The following SNTG1 variants were observed in gnomAD, a reference collection of about 807,000 sequenced individuals.
SNTG1 encodes syntrophin gamma 1, also known as gamma-1-syntrophin.
A neutral mutation model predicts 74.7 loss-of-function variants in SNTG1; 39 were observed. The observed-to-expected ratio is 0.52, with a 90% CI of 0.40 to 0.68. SNTG1 has a LOEUF of 0.68. Ranked by LOEUF, SNTG1 falls within the 30% of genes least tolerant of loss-of-function variation. The pLI is 0.00. For synonymous variants in SNTG1, 254 were observed against 217.1 expected (o/e 1.17, Z -1.49); for missense variants, 685 against 609.5 (o/e 1.12, Z -1.30).
At chr8:50,109,994 G>C (rs971795026) in intron 1 of SNTG1, among the ~76,000 whole-genome samples, 1 of 152,032 alleles carries the variant, frequency 6.6e-6, no homozygotes, top group African/African-American at 2.4e-5. Flanking sequence ...CAGGCTTGTG[G>C]AATTCTCTCT....
intron 5 of SNTG1, among the ~76,000 whole-genome samples, chr8:50,444,978 A>G (rs1371815963): frequency 6.6e-6 from 1 of 152,162 alleles, no homozygotes; most frequent in Non-Finnish European, 1.5e-5. Flanking sequence ...AGATCTTTGC[A>G]AGTATCACGG....
intron 15 of SNTG1, among the ~76,000 whole-genome samples, chr8:50,662,528 T>C (rs375210083): frequency 2.6e-5 from 4 of 152,204 alleles, no homozygotes; most frequent in Admixed American, 1.3e-4. Context: ...TTTAAGTAAA[T>C]AGCCTAAGGT....
intron 2 of SNTG1, among the ~76,000 whole-genome samples, chr8:50,185,456 T>A (rs1162897449): frequency 2.6e-5 from 4 of 152,202 alleles, no homozygotes; most frequent in African/African-American, 9.6e-5. Context: ...ACATGTTGTG[T>A]TAAAAGTTGT....
intron 2 of SNTG1, among the ~76,000 whole-genome samples, chr8:50,286,383 T>C (rs2130499196): frequency 6.6e-6 from 1 of 152,316 alleles, no homozygotes; most frequent in South Asian, 2.1e-4. Context: ...CTGAAGTCAG[T>C]GTATGCTACA....
chr8:50,010,736 T>A (rs1385506867), intron 1 of SNTG1, among the ~76,000 whole-genome samples: 3 of 151,620 alleles, frequency 2.0e-5, no homozygotes, highest in Non-Finnish European at 4.4e-5. Flanking sequence ...TTCTGATGTT[T>A]CTGAACTGGG....
intron 15 of SNTG1, among the ~76,000 whole-genome samples, chr8:50,692,869 C>A (rs1198448156): frequency 6.6e-6 from 1 of 152,256 alleles, no homozygotes; most frequent in Non-Finnish European, 1.5e-5. Flanking sequence ...CAGAGGCAGG[C>A]AGGCCTCCTT....
At chr8:50,231,868 A>G (rs1373418371) in intron 2 of SNTG1, among the ~76,000 whole-genome samples, 3 of 151,392 alleles carry the variant, frequency 2.0e-5, no homozygotes, top group Non-Finnish European at 3.0e-5. Context: ...TAAATTTCTC[A>G]TGGTCTCACC....
At chr8:50,726,380 A>G (rs1585647550) in intron 17 of SNTG1, among the ~76,000 whole-genome samples, 1 of 152,178 alleles carries the variant, frequency 6.6e-6, no homozygotes, top group East Asian at 1.9e-4. Flanking sequence ...TGGAGACTGA[A>G]ACATAAAACG....
At chr8:50,066,292 C>T (rs1046888513) in intron 1 of SNTG1, among the ~76,000 whole-genome samples, 11 of 151,692 alleles carry the variant, frequency 7.3e-5, no homozygotes, top group Admixed American at 2.6e-4. Context: ...AACTTTACTG[C>T]GGTATACTTG....
chr8:50,487,098 C>T (rs1443358008), intron 8 of SNTG1, among the ~76,000 whole-genome samples: 1 of 152,138 alleles, frequency 6.6e-6, no homozygotes, highest in African/African-American at 2.4e-5. Context: ...TGCTCATCAT[C>T]ACTGGCCATC....
chr8:50,009,993 C>T (rs1356209553), intron 1 of SNTG1, among the ~76,000 whole-genome samples: 1 of 152,142 alleles, frequency 6.6e-6, no homozygotes, highest in Non-Finnish European at 1.5e-5. Context: ...GAGACTCTGT[C>T]TAAAAAAACC....
chr8:50,580,743 G>A (rs926824936), intron 12 of SNTG1, among the ~76,000 whole-genome samples: 2 of 152,032 alleles, frequency 1.3e-5, no homozygotes, highest in African/African-American at 2.4e-5. Flanking sequence ...GCCTCCCCAG[G>A]CATGCTTAAC....
chr8:50,786,759 C>T (rs2095676500), intron 18 of SNTG1, among the ~76,000 whole-genome samples: 1 of 151,914 alleles, frequency 6.6e-6, no homozygotes, highest in Non-Finnish European at 1.5e-5. Flanking sequence ...GGTTTTTCAA[C>T]AAATAGTGCT....
intron 13 of SNTG1, among the ~76,000 whole-genome samples, chr8:50,626,216 G>T (rs1327879952): frequency 6.6e-6 from 1 of 152,014 alleles, no homozygotes; most frequent in Non-Finnish European, 1.5e-5. Context: ...TTTCTTCTTG[G>T]AATCTATCAA....
At chr8:49,994,926 G>A (rs1364531496) in intron 1 of SNTG1, among the ~76,000 whole-genome samples, 3 of 152,082 alleles carry the variant, frequency 2.0e-5, no homozygotes, top group Non-Finnish European at 4.4e-5. Context: ...GCCCTCATGG[G>A]TCTTATAATT....
intron 1 of SNTG1, 96 bp downstream of exon 1, chr8:49,912,327 G>A (rs1472268690): frequency 6.6e-6 from 1 of 152,134 alleles, no homozygotes; most frequent in Non-Finnish European, 1.5e-5. Flanking sequence ...TTTTTCTGGG[G>A]TTAACGAGGA....
intron 1 of SNTG1, among the ~76,000 whole-genome samples, chr8:49,986,373 T>C (rs372724354): frequency 1.6e-4 from 24 of 152,244 alleles, no homozygotes; most frequent in East Asian, 1.4e-3. Context: ...CTGGCCTGAA[T>C]TGGAGTAAGA....
intron 1 of SNTG1, among the ~76,000 whole-genome samples, chr8:50,114,836 G>A (rs556414240): frequency 6.6e-6 from 1 of 152,156 alleles, no homozygotes; most frequent in Non-Finnish European, 1.5e-5. Context: ...ATGCACTACA[G>A]CCTGGTGACA....
At position 49,956,648 on chromosome 8, in the gene SNTG1, A is replaced by T. The variant is rs184528146; in HGVS notation, c.-103+44417A>T. Reference sequence around the variant, plus strand: ...AATAGCAGTTTTCTACCTGGATTATATTCTCTGCATGTATTTGTTTTCATT... The same window carrying T: ...AATAGCAGTTTTCTACCTGGATTATTTTCTCTGCATGTATTTGTTTTCATT... On this transcript the variant is annotated intron_variant, in intron 1 of 18. Coordinates refer to ENST00000642720, the MANE Select transcript of SNTG1 (RefSeq NM_018967.5). Among the ~76,000 whole-genome samples, 8 of 152,228 alleles carry T rather than the reference A, an allele frequency of 5.3e-5. No homozygotes were observed. The East Asian group carries it at 1.4e-3, about 26-fold the overall frequency.
Sources: allele counts gnomAD v4.1 joint callset (sites outside exome capture counted in the v4.1 genomes callset), GRCh38; gene constraint gnomAD v4.1.1; transcripts MANE v1.5; gene names NCBI Gene and HGNC (gene_info 2026-07-23, HGNC 2026-07-21).